PCDH11Y: variants seen among roughly 807,000 people sequenced by gnomAD.
PCDH11Y encodes the protein protocadherin 11 Y-linked.
For synonymous variants in PCDH11Y, 9 were observed against 83.6 expected (o/e 0.11, Z 4.87); for missense variants, 12 against 224.8 (o/e 0.05, Z 6.05).
At chrY:5,489,613 G>A in intron 2 of PCDH11Y, among the ~76,000 whole-genome samples, 3 of 32,201 alleles carry the variant, frequency 9.3e-5, no homozygotes, top group Non-Finnish European at 1.5e-4. Context: ...TTGTAATCAT[G>A]ATTTCTCTGA....
intron 2 of PCDH11Y, among the ~76,000 whole-genome samples, chrY:5,122,077 T>G: frequency 3.0e-5 from 1 of 32,853 alleles, no homozygotes; most frequent in African/African-American, 1.2e-4. Context: ...CCTGGTGGAG[T>G]GGCCCAGACC....
chrY:5,408,256 G>A, intron 2 of PCDH11Y, among the ~76,000 whole-genome samples: 1 of 32,970 alleles, frequency 3.0e-5, no homozygotes, highest in Non-Finnish European at 7.4e-5. Flanking sequence ...GTTAATAATA[G>A]TGTATAGATA....
chrY:5,230,326 T>C, intron 2 of PCDH11Y, among the ~76,000 whole-genome samples: 1 of 33,620 alleles, frequency 3.0e-5, no homozygotes, highest in South Asian at 6.5e-4. Context: ...GTAGGCCTGG[T>C]CTGATATTGC....
chrY:5,271,679 G>A (rs2053037079), intron 2 of PCDH11Y, among the ~76,000 whole-genome samples: 1 of 34,028 alleles, frequency 2.9e-5, no homozygotes, highest in Non-Finnish European at 7.5e-5. Context: ...TATATCTTGA[G>A]AGGAGTAAGA....
chrY:5,259,642 A>G, intron 2 of PCDH11Y, among the ~76,000 whole-genome samples: 1 of 32,822 alleles, frequency 3.0e-5, no homozygotes, highest in Non-Finnish European at 7.5e-5. Flanking sequence ...GTTTCTGTTT[A>G]TATCTTATTA....
intron 1 of PCDH11Y, among the ~76,000 whole-genome samples, chrY:5,091,151 G>C (rs2124633868): frequency 3.1e-5 from 1 of 32,258 alleles, no homozygotes; most frequent in Non-Finnish European, 7.7e-5. Flanking sequence ...GAAATCTCTG[G>C]GTCAAGGCCA....
intron 1 of PCDH11Y, among the ~76,000 whole-genome samples, chrY:5,002,462 T>TA (rs2124616902): frequency 3.0e-5 from 1 of 33,519 alleles, no homozygotes; most frequent in East Asian, 8.2e-4. Flanking sequence ...CGCAACTTGG[T>TA]AAAGACTGAC....
intron 2 of PCDH11Y, among the ~76,000 whole-genome samples, chrY:5,333,654 G>C: frequency 3.0e-5 from 1 of 32,999 alleles, no homozygotes; most frequent in African/African-American, 1.2e-4. Flanking sequence ...TGTAATCCCA[G>C]CACTTTGGGA....
chrY:5,637,998 C>A, intron 4 of PCDH11Y, among the ~76,000 whole-genome samples: 1 of 10,698 alleles, frequency 9.3e-5, no homozygotes, highest in African/African-American at 3.7e-4. Flanking sequence ...GCTCTGTCGC[C>A]CAGGCTGGAG....
intron 2 of PCDH11Y, among the ~76,000 whole-genome samples, chrY:5,422,564 A>G: frequency 3.0e-5 from 1 of 33,464 alleles, no homozygotes; most frequent in African/African-American, 1.2e-4. Flanking sequence ...AGTGATCAGA[A>G]CAGTGTGGAT....
intron 1 of PCDH11Y, among the ~76,000 whole-genome samples, chrY:5,087,542 C>T: frequency 3.1e-5 from 1 of 32,718 alleles, no homozygotes; most frequent in Non-Finnish European, 7.5e-5. Flanking sequence ...GACATCCTCA[C>T]TCTTCCCTCT....
intron 2 of PCDH11Y, among the ~76,000 whole-genome samples, chrY:5,293,524 G>T: frequency 3.0e-5 from 1 of 32,876 alleles, no homozygotes; most frequent in Non-Finnish European, 7.4e-5. Context: ...ATGTGCAGGG[G>T]AGAAAAAAAT....
At chrY:5,538,166 C>T in intron 3 of PCDH11Y, among the ~76,000 whole-genome samples, 1 of 33,069 alleles carries the variant, frequency 3.0e-5, no homozygotes, top group Non-Finnish European at 7.4e-5. Context: ...GCAGTGGCTC[C>T]TGGGACAAAC....
chrY:5,348,889 G>T, intron 2 of PCDH11Y, among the ~76,000 whole-genome samples: 8 of 32,585 alleles, frequency 2.5e-4, no homozygotes, highest in Non-Finnish European at 4.5e-4. Context: ...CAGCACTTTG[G>T]CAGGCTGAGG....
At chrY:5,428,516 C>T (rs1602923850) in intron 2 of PCDH11Y, among the ~76,000 whole-genome samples, 2 of 32,729 alleles carry the variant, frequency 6.1e-5, no homozygotes, top group Non-Finnish European at 1.5e-4. Flanking sequence ...GATAACAATG[C>T]CATCTTCTGA....
At chrY:5,508,983 G>T in intron 3 of PCDH11Y, among the ~76,000 whole-genome samples, 16 of 32,866 alleles carry the variant, frequency 4.9e-4, no homozygotes, top group Non-Finnish European at 8.2e-4. Context: ...GACCTTGGGT[G>T]CTATTTAGTC....
intron 2 of PCDH11Y, among the ~76,000 whole-genome samples, chrY:5,293,929 T>G (rs2124662246): frequency 3.1e-5 from 1 of 32,430 alleles, no homozygotes; most frequent in East Asian, 8.2e-4. Context: ...TTTTCCATCT[T>G]TTTTTTTAGT....
intron 3 of PCDH11Y, among the ~76,000 whole-genome samples, chrY:5,512,670 G>A: frequency 6.3e-5 from 2 of 31,852 alleles, no homozygotes; most frequent in Non-Finnish European, 1.5e-4. Context: ...ACTTTGGGTA[G>A]CAAAGTTCTA....
intron 2 of PCDH11Y, among the ~76,000 whole-genome samples, chrY:5,150,027 A>G: frequency 6.1e-5 from 2 of 32,785 alleles, no homozygotes; most frequent in African/African-American, 2.4e-4. Context: ...ATTTTTAACT[A>G]TTGTAGATTT....
Sources: gnomAD v4.1 joint callset for allele counts (sites outside exome capture counted in the v4.1 genomes callset) on GRCh38, gnomAD v4.1.1 for gene constraint, MANE v1.5 for transcripts, NCBI Gene and HGNC (gene_info 2026-07-23, HGNC 2026-07-21) for gene names.